The following CHIA variants were observed in gnomAD, a reference collection of about 807,000 sequenced individuals.
CHIA encodes acidic mammalian chitinase.
A neutral mutation model predicts 53.5 loss-of-function variants in CHIA; 47 were observed. The ratio of observed to expected loss-of-function variants is 0.88; its 90% confidence interval spans 0.70 to 1.12. The LOEUF (loss-of-function observed/expected upper bound fraction) is 1.12, where lower values mean the gene tolerates loss of function less well. CHIA is among the 50% of genes most tolerant of loss of function. The probability of loss-of-function intolerance (pLI) is 0.00; values close to 1 mark genes in which losing one functional copy is unlikely to be tolerated. For synonymous variants in CHIA, 268 were observed against 222.2 expected, an observed-to-expected ratio of 1.21 and a Z score of -1.83; for missense variants, 652 against 592.2, an observed-to-expected ratio of 1.10 and a Z score of -1.05.
intron 9 of CHIA, 44 bp downstream of exon 9, chr1:111,318,722 T>C (rs1432221085): frequency 6.3e-7 from 1 of 1,574,898 alleles, no homozygotes; most frequent in East Asian, 2.2e-5. Flanking sequence ...TTCCGTGCAC[T>C]GTGCCTTAGG....
chr1:111,299,232 A>G (rs984669575), intron 1 of CHIA, among the ~76,000 whole-genome samples: 21 of 152,316 alleles, frequency 1.4e-4, no homozygotes, highest in East Asian at 1.2e-3. Flanking sequence ...TCCCTAACTC[A>G]TTTTATGGGG....
intron 1 of CHIA, among the ~76,000 whole-genome samples, chr1:111,304,604 A>T (rs4460637): frequency 0.28 from 42,172 of 152,040 alleles, 6,145 homozygotes; most frequent in East Asian, 0.36. Context: ...CCAAATTTTT[A>T]AAAATCTTAT....
Position 111,318,416 on chromosome 1 carries a change from C to G in CHIA, c.730-77C>G, listed in dbSNP as rs1649350632. The G allele has an allele frequency of 4.1e-6, 5 of 1,231,842 alleles. No homozygotes were observed. In the South Asian group the frequency reaches 7.1e-5, roughly 18 times the overall value. 76.3% of individuals were successfully genotyped at this position (1,231,842 alleles called of 1,614,324 possible). A position where few individuals can be genotyped will look rare whatever the true frequency, so the allele number is the denominator to read the frequency against. ...ATTAACAGCATAGAGTTTTACCTGT[C>G]GGAATAGGGGACTAATATAACTAAG... On this transcript the variant is annotated intron_variant, in intron 8 of 11. Coordinates refer to ENST00000369740, the MANE Select transcript of CHIA (RefSeq NM_201653.4).
At chr1:111,312,476 C>T in intron 4 of CHIA, 85 bp downstream of exon 4, 1 of 1,135,358 alleles carries the variant, frequency 8.8e-7, no homozygotes, top group South Asian at 1.3e-5. Flanking sequence ...AGTTCAGATC[C>T]ATGGATCTGA....
intron 1 of CHIA, among the ~76,000 whole-genome samples, chr1:111,296,366 G>A (rs540449588): frequency 5.9e-5 from 9 of 152,320 alleles, no homozygotes; most frequent in African/African-American, 1.7e-4. Context: ...GGATCAGGCA[G>A]CAATATTTGC....
intron 1 of CHIA, among the ~76,000 whole-genome samples, chr1:111,298,764 A>G (rs1647433367): frequency 6.6e-6 from 1 of 152,220 alleles, no homozygotes. Context: ...AGACAGAGAC[A>G]CAAAAAACCC....
intron 11 of CHIA, 48 bp from the exon 12 acceptor site, chr1:111,320,165 G>A: frequency 6.4e-7 from 1 of 1,572,022 alleles, no homozygotes; most frequent in Non-Finnish European, 8.7e-7. Context: ...GTGAAGCTTA[G>A]AGCCTCTCCC....
At chr1:111,297,317 GC>G (rs1403994198) in intron 1 of CHIA, among the ~76,000 whole-genome samples, 2 of 152,178 alleles carry the variant, frequency 1.3e-5, no homozygotes, top group African/African-American at 4.8e-5. Context: ...GTTAAGGGCA[GC>G]CAGAGAGAAA....
Position 111,314,627 on chromosome 1 carries a change from T to C in CHIA, c.314+31T>C, listed in dbSNP as rs774524294. ...TCTTCTATGGAGAGCATGTTGTTCG[T>C]TTGCTATGGAAAACAAGTTAGCCCC... On this transcript the variant is annotated intron_variant, in intron 5 of 11. Coordinates refer to ENST00000369740, the MANE Select transcript of CHIA (RefSeq NM_201653.4). 33 of 1,574,672 alleles carry C rather than the reference T, an allele frequency of 2.1e-5. 1 individual carries two copies. Among genetic ancestry groups the C allele is most frequent in the Non-Finnish European group, 2.1e-5 (24 of 1,144,354 alleles).
At chr1:111,297,901 C>CAAAAAAAAAAAAAAAAA (rs1188512345) in intron 1 of CHIA, among the ~76,000 whole-genome samples, 19 of 31,844 alleles carry the variant, frequency 6.0e-4, no homozygotes, top group African/African-American at 1.0e-3. Context: ...AAATGGAAAG[C>CAAAAAAAAAAAAAAAAA]AAAAAAAAAA....
chr1:111,291,525 AG>A lies in CHIA; in HGVS notation c.-69+582del, dbSNP rs969340252. The stretch of plus-strand genomic sequence containing the variant: ...GGAGCCAGCTGAGGGGTTGGGGGCA[AG>A]GGGGGGAGAGCATTAGGACAAATAC... On this transcript the variant is annotated intron_variant, in intron 1 of 11. Coordinates refer to ENST00000369740, the MANE Select transcript of CHIA (RefSeq NM_201653.4). Among the ~76,000 whole-genome samples, 4 of 103,510 alleles carry A rather than the reference AG, an allele frequency of 3.9e-5. No individual in the cohort carries two copies. In the South Asian group the frequency reaches 8.8e-4, roughly 23 times the overall value. The allele number at this position is 103,510 out of a possible 152,430, so 67.9% of individuals were successfully genotyped here.
At chr1:111,304,265 A>G (rs1019429555) in intron 1 of CHIA, among the ~76,000 whole-genome samples, 1 of 152,170 alleles carries the variant, frequency 6.6e-6, no homozygotes, top group African/African-American at 2.4e-5. Context: ...GGATGTCTAT[A>G]TACATGTCTT....
chr1:111,311,653 A>T, intron 2 of CHIA, 36 bp from the exon 3 acceptor site: 1 of 1,612,988 alleles, frequency 6.2e-7, no homozygotes, highest in East Asian at 2.2e-5. Flanking sequence ...GGTACAGACA[A>T]TCGGTTCAAA....
At chr1:111,319,557 C>A in intron 11 of CHIA, 89 bp downstream of exon 11, 2 of 1,255,142 alleles carry the variant, frequency 1.6e-6, no homozygotes, top group Non-Finnish European at 2.3e-6. Context: ...CTCCCCCTTG[C>A]CCAGGGATCC....
chr1:111,318,629 GTC>G lies in CHIA; in HGVS notation c.867_868del (p.Pro290CysfsTer47). 6.2e-7 allele frequency: 1 copy of G among 1,614,150 alleles called. No homozygotes were observed. The highest frequency in any genetic ancestry group is 8.5e-7 in the Non-Finnish European group (1 of 1,180,022). On this transcript the variant is annotated frameshift_variant, in exon 9 of 12. Coordinates refer to ENST00000369740, the MANE Select transcript of CHIA (RefSeq NM_201653.4). LOFTEE classifies it high-confidence loss of function. ...ATTGGTGCCCCCACCTCTGGTGCTG[GTC>G]CTGCTGGGCCCTATGCCAAGGAGTC... is the stretch of plus-strand genomic sequence containing the variant.
intron 1 of CHIA, among the ~76,000 whole-genome samples, chr1:111,298,094 C>A (rs1291570584): frequency 6.6e-6 from 1 of 152,090 alleles, no homozygotes; most frequent in Admixed American, 6.5e-5. Context: ...ATTCATAAAG[C>A]AAGTCCTTAG....
chr1:111,302,100 A>G (rs1647805441), intron 1 of CHIA, among the ~76,000 whole-genome samples: 1 of 152,278 alleles, frequency 6.6e-6, no homozygotes, highest in Non-Finnish European at 1.5e-5. Flanking sequence ...AGTCAGTAGT[A>G]ATGTCCCCAT....
At chr1:111,306,125 T>TA (rs1247824385) in intron 1 of CHIA, among the ~76,000 whole-genome samples, 8 of 152,232 alleles carry the variant, frequency 5.3e-5, no homozygotes, top group African/African-American at 1.9e-4. Context: ...TGGAAAACCT[T>TA]AAAATCATGA....
intron 1 of CHIA, among the ~76,000 whole-genome samples, chr1:111,307,717 C>T (rs1648301349): frequency 6.6e-6 from 1 of 151,858 alleles, no homozygotes; most frequent in Non-Finnish European, 1.5e-5. Flanking sequence ...TCTCAGCTCA[C>T]TGCAACCTCC....
Sources: allele counts gnomAD v4.1 joint callset (sites outside exome capture counted in the v4.1 genomes callset), GRCh38; gene constraint gnomAD v4.1.1; transcripts MANE v1.5; gene names NCBI Gene and HGNC (gene_info 2026-07-23, HGNC 2026-07-21).